ABLIM3: variants seen among roughly 807,000 people sequenced by gnomAD.
ABLIM3 encodes the protein actin-binding LIM protein 3.
A neutral mutation model predicts 109.5 loss-of-function variants in ABLIM3; 61 were observed. The ratio of observed to expected loss-of-function variants is 0.56; its 90% CI spans 0.45 to 0.69. ABLIM3 has a LOEUF of 0.69. ABLIM3 is among the 30% of genes least tolerant of loss of function. The pLI is 0.00. For missense variants in ABLIM3, 796 were observed against 889.5 expected, an observed-to-expected ratio of 0.89 and a Z score of 1.34; for synonymous variants, 300 against 324.8, an observed-to-expected ratio of 0.92 and a Z score of 0.82.
rs1758224460 is a variant in ABLIM3 at position 149,198,794 on chromosome 5, A to ATAGCCTTCCTCCATCATCCTGGCACCAC, written c.335+393_335+420dup. Among the ~76,000 whole-genome samples the ATAGCCTTCCTCCATCATCCTGGCACCAC allele has an allele frequency of 6.6e-6, 1 of 152,142 alleles. No homozygotes were observed. The highest frequency in any genetic ancestry group is 1.5e-5 in the Non-Finnish European group (1 of 68,026). ...ACAGGTGGGACAGGGATGTCTGTAC[A>ATAGCCTTCCTCCATCATCCTGGCACCAC]TAGCCTTCCTCCATCATCCTGGCAC... On this transcript the variant is annotated intron_variant, in intron 4 of 23. Coordinates refer to ENST00000309868, the MANE Select transcript of ABLIM3 (RefSeq NM_014945.5). The surrounding 1 kb of genome is among the most constrained non-coding windows in gnomAD (Gnocchi z 4.2).
At chr5:149,219,739 A>T (rs1760454120) in intron 8 of ABLIM3, 1 of 152,238 alleles carries the variant, frequency 6.6e-6, no homozygotes, top group Non-Finnish European at 1.5e-5. Context: ...CCCTGCCTTC[A>T]TCCTGACCAC....
At chr5:149,251,085 G>A (rs1406883796) in intron 20 of ABLIM3, among the ~76,000 whole-genome samples, 3 of 152,186 alleles carry the variant, frequency 2.0e-5, no homozygotes, top group Admixed American at 6.5e-5. Context: ...CAGGTTGTCA[G>A]GGCAAATCTC....
rs370955947 is a variant in ABLIM3 at position 149,247,025 on chromosome 5, G to A, written c.1551+479G>A. ...TCATATCCGTGGCAGCACTATTCAC[G>A]AAAGCTAAAATATGGAAATAATCCA... On this transcript the variant is annotated intron_variant, in intron 17 of 23. Coordinates refer to ENST00000309868, the MANE Select transcript of ABLIM3 (RefSeq NM_014945.5). Among the ~76,000 whole-genome samples, 16 of 152,288 alleles carry A rather than the reference G, an allele frequency of 1.1e-4. No individual in the cohort carries two copies. The East Asian group carries it at 1.3e-3, about 13-fold the overall frequency.
chr5:149,236,736 G>A (rs896409120), intron 10 of ABLIM3, among the ~76,000 whole-genome samples: 5 of 152,152 alleles, frequency 3.3e-5, no homozygotes, highest in Non-Finnish European at 5.9e-5. Flanking sequence ...AGGAGAGGCC[G>A]CTGAAGAGGG....
chr5:149,253,893 G>GA (rs1270126011), intron 23 of ABLIM3, among the ~76,000 whole-genome samples: 3 of 152,016 alleles, frequency 2.0e-5, no homozygotes, highest in African/African-American at 7.2e-5. Flanking sequence ...AATTTATAAA[G>GA]AAAAAAAGGT....
At chr5:149,161,592 C>T (rs1754376267) in intron 2 of ABLIM3, among the ~76,000 whole-genome samples, 1 of 152,158 alleles carries the variant, frequency 6.6e-6, no homozygotes, top group Admixed American at 6.5e-5. Flanking sequence ...GACAGAGTGC[C>T]TCTTTGGTTA....
Position 149,259,048 on chromosome 5 carries a change from C to T in ABLIM3, c.*644C>T. On this transcript the variant is annotated 3_prime_UTR_variant, in exon 24 of 24. Transcript: ENST00000309868. ...TTCTGCCCTGGATTGTAACCTCTCC[C>T]TTGTCCAAATCTAGGATTCCTGGTA... is the stretch of plus-strand genomic sequence containing the variant. 1 of 1,009,478 alleles carries T rather than the reference C, an allele frequency of 9.9e-7. No individual in the cohort carries two copies. The highest frequency in any genetic ancestry group is 1.2e-6 in the Non-Finnish European group (1 of 844,392). 62.5% of individuals were successfully genotyped at this position (1,009,478 alleles called of 1,614,324 possible). A position where few individuals can be genotyped will look rare whatever the true frequency, so the allele number is the denominator to read the frequency against.
Position 149,258,568 on chromosome 5 carries a change from C to T in ABLIM3, c.*164C>T. The T allele has an allele frequency of 7.2e-7, 1 of 1,384,634 alleles. No homozygotes were observed. Among genetic ancestry groups the T allele is most frequent in the Non-Finnish European group, 9.3e-7 (1 of 1,074,430 alleles). 85.8% of individuals were successfully genotyped at this position (1,384,634 alleles called of 1,614,324 possible). ...CCCACGTCATCGAGATATTTTTATG[C>T]TCCTTACTTTCTCTTTTCTAAGTGC... On this transcript the variant is annotated 3_prime_UTR_variant, in exon 24 of 24. Coordinates refer to ENST00000309868, the MANE Select transcript of ABLIM3 (RefSeq NM_014945.5).
In ABLIM3 at chr5:149,198,489, G is replaced by T; in HGVS notation, c.335+87G>T. On this transcript the variant is annotated intron_variant, in intron 4 of 23. Coordinates refer to ENST00000309868, the MANE Select transcript of ABLIM3 (RefSeq NM_014945.5). This position sits in a 1 kb window ranked among gnomAD's most constrained non-coding sequence, Gnocchi z 4.2. Reference sequence around the variant, plus strand: ...CTGGCTTTTTCCAGGAAGTTCTGGGGTTTACAAGGTTTGTGCTGCACATTT... The same window carrying T: ...CTGGCTTTTTCCAGGAAGTTCTGGGTTTTACAAGGTTTGTGCTGCACATTT... 1 of 1,438,750 alleles carries T rather than the reference G, an allele frequency of 7.0e-7. No individual in the cohort carries two copies. The highest frequency in any genetic ancestry group is 9.2e-7 in the Non-Finnish European group (1 of 1,083,790). 89.1% of individuals were successfully genotyped at this position (1,438,750 alleles called of 1,614,324 possible). A position where few individuals can be genotyped will look rare whatever the true frequency, so the allele number is the denominator to read the frequency against.
At chr5:149,164,738 G>A (rs1247935410) in intron 2 of ABLIM3, among the ~76,000 whole-genome samples, 1 of 152,108 alleles carries the variant, frequency 6.6e-6, no homozygotes, top group African/African-American at 2.4e-5. Context: ...AGGGAGGAGG[G>A]GAGAAGCAGG....
At chr5:149,222,103 T>A (rs1581166315) in intron 8 of ABLIM3, among the ~76,000 whole-genome samples, 1 of 151,150 alleles carries the variant, frequency 6.6e-6, no homozygotes, top group East Asian at 1.9e-4. Context: ...ATAATAATGA[T>A]AATAATAAAA....
At position 149,248,689 on chromosome 5, in the gene ABLIM3, CA is replaced by C. The variant is rs10659679; in HGVS notation, c.1699+781del. 5.0e-3 allele frequency among the ~76,000 whole-genome samples: 393 copies of C among 78,976 alleles called. 2 individuals carry two copies. The highest frequency in any genetic ancestry group is 0.021 in the Middle Eastern group (3 of 142). 51.8% of individuals were successfully genotyped at this position (78,976 alleles called of 152,430 possible). On this transcript the variant is annotated intron_variant, in intron 18 of 23. Transcript: ENST00000309868. ...TGGGCAACAGAGCGAGACTCTCTCT[CA>C]AAAAAAAAAAAAAAAAAAAAGAACG...
rs117909316 is a variant in ABLIM3, at chr5:149,207,368, C to T, written c.575+234C>T. ...TCCTTGCACGCCTGCTGCCCCTTCTCTCCCTTCTGGTCTCGGTCCCCATGC... is the reference window on the plus strand; with the variant it reads ...TCCTTGCACGCCTGCTGCCCCTTCTTTCCCTTCTGGTCTCGGTCCCCATGC... On this transcript the variant is annotated intron_variant, in intron 6 of 23. Transcript: ENST00000309868. 2.0e-4 allele frequency among the ~76,000 whole-genome samples: 30 copies of T among 152,310 alleles called. 1 individual carries two copies. The East Asian group carries it at 5.8e-3, about 29-fold the overall frequency.
intron 14 of ABLIM3, among the ~76,000 whole-genome samples, chr5:149,241,789 T>C (rs138048925): frequency 2.8e-4 from 43 of 152,170 alleles, no homozygotes; most frequent in African/African-American, 1.0e-3. Flanking sequence ...AGCCAGCCTA[T>C]GAAGAAGCCA....
At chr5:149,189,412 A>G (rs1757273971) in intron 3 of ABLIM3, among the ~76,000 whole-genome samples, 1 of 152,248 alleles carries the variant, frequency 6.6e-6, no homozygotes, top group South Asian at 2.1e-4. Context: ...AAGAATGTGA[A>G]AAGACAACCC....
In ABLIM3 at chr5:149,242,550, G is replaced by C; in HGVS notation, c.1351+12G>C. 6.2e-7 allele frequency: 1 copy of C among 1,614,096 alleles called. No homozygotes were observed. The highest frequency in any genetic ancestry group is 8.5e-7 in the Non-Finnish European group (1 of 1,179,990). ...CTACAAACGGCATGGTATGGTCAGAGGTAGATAGGGCTTGGCCACACAAGG... is the reference window on the plus strand; with the variant it reads ...CTACAAACGGCATGGTATGGTCAGACGTAGATAGGGCTTGGCCACACAAGG... On this transcript the variant is annotated intron_variant, in intron 15 of 23. Transcript: ENST00000309868.
In ABLIM3 at chr5:149,259,957, A is replaced by G. The variant is rs1754762587; in HGVS notation, c.*1553A>G. On this transcript the variant is annotated 3_prime_UTR_variant, in exon 24 of 24. Transcript: ENST00000309868. Reference sequence around the variant, plus strand: ...GGGGAGGGGAGCACGGGGTGAGTCAACCTGGGACTCGGTCTCAGGGATATG... The same window carrying G: ...GGGGAGGGGAGCACGGGGTGAGTCAGCCTGGGACTCGGTCTCAGGGATATG... The G allele has an allele frequency of 4.1e-6, 1 of 244,420 alleles. No individual in the cohort carries two copies. Among genetic ancestry groups the G allele is most frequent in the African/African-American group, 2.2e-5 (1 of 44,760 alleles). The allele number at this position is 244,420 out of a possible 1,614,324, so 15.1% of individuals were successfully genotyped here.
intron 2 of ABLIM3, among the ~76,000 whole-genome samples, chr5:149,168,801 TA>T (rs1305395416): frequency 6.6e-6 from 1 of 152,234 alleles, no homozygotes; most frequent in African/African-American, 2.4e-5. Context: ...TCAAGATTTC[TA>T]AAATTCTGTC....
At chr5:149,177,860 C>T (rs759966986) in intron 2 of ABLIM3, among the ~76,000 whole-genome samples, 6 of 152,170 alleles carry the variant, frequency 3.9e-5, no homozygotes, top group Non-Finnish European at 8.8e-5. Flanking sequence ...GCACTAAGCA[C>T]TTTTCTATAA....
Sources: gnomAD v4.1 joint callset for allele counts (sites outside exome capture counted in the v4.1 genomes callset) on GRCh38, gnomAD v4.1.1 for gene constraint, Gnocchi (gnomAD v3.1) non-coding constraint, MANE v1.5 for transcripts, NCBI Gene and HGNC (gene_info 2026-07-23, HGNC 2026-07-21) for gene names.